TGM7: variants seen among roughly 807,000 people sequenced by gnomAD.
TGM7 encodes transglutaminase 7, also known as protein-glutamine gamma-glutamyltransferase Z.
In TGM7, 74 loss-of-function variants were observed where a neutral mutation model predicts 79.5. The observed-to-expected ratio is 0.93, with a 90% confidence interval of 0.77 to 1.13. The LOEUF is 1.13. Ranked by LOEUF, TGM7 falls within the 50% of genes most tolerant of loss-of-function variation. TGM7 has a pLI of 0.00. For synonymous variants in TGM7, 354 were observed against 362.5 expected, an observed-to-expected ratio of 0.98 and a Z score of 0.27; for missense variants, 912 against 905.9, an observed-to-expected ratio of 1.01 and a Z score of -0.09.
At position 43,279,930 on chromosome 15, in the gene TGM7, A is replaced by G. The variant is rs1428372252; in HGVS notation, c.1373T>C (p.Val458Ala). Residue 458 changes from valine to alanine, a missense_variant, in exon 10 of 13, where the codon GTC (valine) becomes GCC (alanine). Val to Ala is a moderately conservative substitution (Grantham distance 64). Transcript: ENST00000452443. ...CATTTTCCGAGAAGCCTTCATGAAG[A>G]CAGCTCTCTCCTCAGGGGATCCTGC... is the stretch of plus-strand genomic sequence containing the variant. ...YPEGSPEERA[V>A]FMKASRKMLG... The G allele has an allele frequency of 9.3e-6, 15 of 1,614,152 alleles. No homozygotes were observed. Among genetic ancestry groups the G allele is most frequent in the Non-Finnish European group, 1.3e-5 (15 of 1,180,000 alleles).
Position 43,278,337 on chromosome 15 carries a change from C to T in TGM7, c.1839+780G>A, listed in dbSNP as rs2042888374. ...CACCTGCCCTCTTCCATTCACCCTTCCTTTGCCTGAAATTCCTTCTTTGTG... is the reference window on the plus strand; with the variant it reads ...CACCTGCCCTCTTCCATTCACCCTTTCTTTGCCTGAAATTCCTTCTTTGTG... On this transcript the variant is annotated intron_variant, in intron 11 of 12. Transcript: ENST00000452443. Among the ~76,000 whole-genome samples, 5 of 152,242 alleles carry T rather than the reference C, an allele frequency of 3.3e-5. No homozygotes were observed. In the South Asian group the frequency reaches 1.0e-3, roughly 32 times the overall value.
intron 7 of TGM7, 130 bp downstream of exon 7, chr15:43,284,684 C>T (rs1381593476): frequency 8.6e-7 from 1 of 1,160,012 alleles, no homozygotes; most frequent in African/African-American, 1.5e-5. Context: ...GAATTCTTCT[C>T]TTCTCTGAGC....
chr15:43,299,898 A>G (rs2043017808), intron 1 of TGM7, among the ~76,000 whole-genome samples: 1 of 152,212 alleles, frequency 6.6e-6, no homozygotes, highest in South Asian at 2.1e-4. Flanking sequence ...GTGCAAGAAT[A>G]AAAATTTCTT....
rs111755161 is a variant in TGM7, at chr15:43,282,018, T to C, written c.1177A>G (p.Thr393Ala). The change falls in exon 9 of 13, where the codon ACC (threonine) becomes GCC (alanine). Residue 393 changes from threonine (T) to alanine (A), a missense_variant. Transcript: ENST00000452443. ...REGDVHLAYD[T>A]PFVYAEVNAD... ...TTCACCTCGGCATACACAAAAGGGG[T>C]GTCATAGGCCAGGTGGACATCCCCT... is the stretch of plus-strand genomic sequence containing the variant. The C allele has an allele frequency of 2.2e-5, 36 of 1,613,788 alleles. 1 individual carries two copies. Among genetic ancestry groups the C allele is most frequent in the African/African-American group, 2.0e-4 (15 of 74,868 alleles).
At chr15:43,278,561 C>G (rs925174647) in intron 11 of TGM7, among the ~76,000 whole-genome samples, 24 of 152,188 alleles carry the variant, frequency 1.6e-4, no homozygotes, top group Non-Finnish European at 3.5e-4. Context: ...CCCTGGACTC[C>G]CACCTCAGCC....
At chr15:43,293,697 C>A in intron 1 of TGM7, 66 bp from the exon 2 acceptor site, 1 of 1,260,590 alleles carries the variant, frequency 7.9e-7, no homozygotes, top group Non-Finnish European at 1.0e-6. Flanking sequence ...TCCCTTGTGG[C>A]TTCTCAGTCA....
intron 1 of TGM7, among the ~76,000 whole-genome samples, chr15:43,298,127 G>A (rs2043009305): frequency 6.6e-6 from 1 of 152,234 alleles, no homozygotes; most frequent in Non-Finnish European, 1.5e-5. Flanking sequence ...GGTGCTGGGT[G>A]GAGATAGGAT....
intron 9 of TGM7, 28 bp from the exon 10 acceptor site, chr15:43,279,979 T>C: frequency 1.2e-6 from 2 of 1,600,216 alleles, no homozygotes; most frequent in Non-Finnish European, 1.7e-6. Context: ...AGGAGAGACA[T>C]GCATGGGGAG....
chr15:43,290,207 T>G (rs2042956848), intron 4 of TGM7, among the ~76,000 whole-genome samples: 2 of 152,208 alleles, frequency 1.3e-5, no homozygotes. Context: ...GGTCTAACAT[T>G]TAAGTCTTTA....
chr15:43,276,359 G>A lies in TGM7; in HGVS notation c.*96C>T, dbSNP rs2042876928. Reference sequence around the variant, plus strand: ...GCTTCATTCATTCCCAGGCAGGCTAGAGAGAGGACAGAGGTGGAGCCAAGA... The same window carrying A: ...GCTTCATTCATTCCCAGGCAGGCTAAAGAGAGGACAGAGGTGGAGCCAAGA... On this transcript the variant is annotated 3_prime_UTR_variant, in exon 13 of 13. Coordinates refer to ENST00000452443, the MANE Select transcript of TGM7 (RefSeq NM_052955.3). 1.4e-6 allele frequency: 2 copies of A among 1,403,148 alleles called. No individual in the cohort carries two copies. The highest frequency in any genetic ancestry group is 4.6e-5 in the East Asian group (2 of 43,216). 86.9% of individuals were successfully genotyped at this position (1,403,148 alleles called of 1,614,324 possible).
intron 1 of TGM7, among the ~76,000 whole-genome samples, chr15:43,298,662 A>T (rs1452037559): frequency 1.3e-5 from 2 of 152,144 alleles, no homozygotes; most frequent in Admixed American, 1.3e-4. Flanking sequence ...CTGAGGCAGA[A>T]GAATTGCTTG....
intron 1 of TGM7, among the ~76,000 whole-genome samples, chr15:43,299,877 C>A (rs1046115258): frequency 6.6e-6 from 1 of 152,206 alleles, no homozygotes; most frequent in Non-Finnish European, 1.5e-5. Context: ...GTGTTCTGTG[C>A]CTCTTTTAGT....
intron 4 of TGM7, among the ~76,000 whole-genome samples, chr15:43,288,116 A>G (rs2042945286): frequency 6.6e-6 from 1 of 152,182 alleles, no homozygotes; most frequent in South Asian, 2.1e-4. Context: ...CTAGAGATCA[A>G]TGTAGGGCCA....
At chr15:43,276,702 C>T in intron 12 of TGM7, 88 bp from the exon 13 acceptor site, 2 of 1,540,718 alleles carry the variant, frequency 1.3e-6, no homozygotes, top group Non-Finnish European at 8.8e-7. Context: ...GGGTAAGAGG[C>T]TCCCACTCAC....
intron 1 of TGM7, among the ~76,000 whole-genome samples, chr15:43,297,153 C>T (rs574886201): frequency 6.6e-6 from 1 of 152,228 alleles, no homozygotes; most frequent in Admixed American, 6.5e-5. Flanking sequence ...GTATTATCAG[C>T]CTTTTAAGAA....
In TGM7 at chr15:43,276,885, G is replaced by A; in HGVS notation, c.1950C>T (p.Leu650=). The A allele has an allele frequency of 6.2e-7, 1 of 1,614,154 alleles. No homozygotes were observed. Among genetic ancestry groups the A allele is most frequent in the Non-Finnish European group, 8.5e-7 (1 of 1,180,010 alleles). ...SCTMVLEGSG[L]INGQIAKDLG... is the part of the protein sequence containing the mutation. Reference sequence around the variant, plus strand: ...ACTCCTTTGCTATCTGCCCATTGATGAGGCCGCTTCCTTCCAGCACCATCG... The same window carrying A: ...ACTCCTTTGCTATCTGCCCATTGATAAGGCCGCTTCCTTCCAGCACCATCG... The change falls in exon 12 of 13, where the codon CTC becomes CTT. Residue 650 remains leucine, a synonymous_variant. Transcript: ENST00000452443.
chr15:43,281,278 C>G (rs2042907241), intron 9 of TGM7, among the ~76,000 whole-genome samples: 1 of 152,234 alleles, frequency 6.6e-6, no homozygotes, highest in Non-Finnish European at 1.5e-5. Context: ...GTTCAGTACT[C>G]AGGCAGCCTG....
Position 43,279,834 on chromosome 15 carries a change from G to A in TGM7, c.1469C>T (p.Ala490Val), listed in dbSNP as rs141916608. ...LESGGLRDQP[A>V]QLQLHLARIP... Reference sequence around the variant, plus strand: ...CCTGGCCAGGTGAAGCTGCAGCTGCGCTGGCTGATCCCTAAGACCCCCAGA... The same window carrying A: ...CCTGGCCAGGTGAAGCTGCAGCTGCACTGGCTGATCCCTAAGACCCCCAGA... Residue 490 changes from alanine to valine, a missense_variant, in exon 10 of 13, where the codon GCG becomes GTG. Physicochemically the swap from Ala to Val is moderately conservative, Grantham distance 64. Transcript: ENST00000452443. 3.5e-5 allele frequency: 56 copies of A among 1,614,230 alleles called. No individual in the cohort carries two copies. In the African/African-American group the frequency reaches 4.9e-4, roughly 14 times the overall value.
At position 43,293,418 on chromosome 15, in the gene TGM7, C is replaced by G. The variant is rs201009314; in HGVS notation, c.193+31G>C. ...TGTAAATGCCCTCATTTTGACGGAA[C>G]CTGCGGGGCCTTGGGACAGGGCAAA... On this transcript the variant is annotated intron_variant, in intron 2 of 12. Coordinates refer to ENST00000452443, the MANE Select transcript of TGM7 (RefSeq NM_052955.3). The G allele has an allele frequency of 9.6e-4, 1,485 of 1,551,968 alleles. 2 individuals carry two copies. The highest frequency in any genetic ancestry group is 1.3e-3 in the Non-Finnish European group (1,431 of 1,143,938).
Sources: allele counts gnomAD v4.1 joint callset (sites outside exome capture counted in the v4.1 genomes callset), GRCh38; gene constraint gnomAD v4.1.1; transcripts MANE v1.5; gene names NCBI Gene and HGNC (gene_info 2026-07-23, HGNC 2026-07-21).